Variants in PANK1 observed in about 807,000 individuals in gnomAD.
PANK1 encodes the protein pantothenate kinase 1, also known as pantothenic acid kinase 1.
A neutral mutation model predicts 40.1 loss-of-function variants in PANK1; 18 were observed. The observed-to-expected ratio is 0.45, with a 90% confidence interval of 0.31 to 0.67. PANK1 has a LOEUF of 0.67. PANK1 is among the 30% of genes least tolerant of loss of function. The pLI, the probability that PANK1 is intolerant of heterozygous loss-of-function variation, is 0.06. For synonymous variants in PANK1, 242 were observed against 237.7 expected, an observed-to-expected ratio of 1.02 and a Z score of -0.17; for missense variants, 457 against 599.6, an observed-to-expected ratio of 0.76 and a Z score of 2.48.
At chr10:89,642,105 T>C (rs1294773028) in intron 1 of PANK1, among the ~76,000 whole-genome samples, 2 of 152,048 alleles carry the variant, frequency 1.3e-5, no homozygotes, top group African/African-American at 4.8e-5. Flanking sequence ...ATGAAAAGAG[T>C]GGACAACATT....
At chr10:89,606,535 T>C (rs1331380407) in intron 2 of PANK1, among the ~76,000 whole-genome samples, 1 of 152,120 alleles carries the variant, frequency 6.6e-6, no homozygotes, top group Non-Finnish European at 1.5e-5. Flanking sequence ...TCTTTTCATG[T>C]TTTTTTGAGA....
At chr10:89,595,637 C>A (rs7901886) in intron 3 of PANK1, among the ~76,000 whole-genome samples, 2 of 149,896 alleles carry the variant, frequency 1.3e-5, no homozygotes, top group Non-Finnish European at 3.0e-5. Context: ...CTGGTCAACA[C>A]GGTGAAACCC....
At chr10:89,637,775 A>G (rs1467453877) in intron 1 of PANK1, among the ~76,000 whole-genome samples, 2 of 152,244 alleles carry the variant, frequency 1.3e-5, no homozygotes, top group African/African-American at 2.4e-5. Flanking sequence ...TTAGCTTACT[A>G]TAACAGTTTT....
chr10:89,592,520 T>C lies in PANK1; in HGVS notation c.1200+677A>G, dbSNP rs373555445. On this transcript the variant is annotated intron_variant, in intron 5 of 6. Transcript: ENST00000307534. ...CCATTACAGATCTACTGTGGTTCTT[T>C]AATACTCTCCTATGACCTGTTCCAT... Among the ~76,000 whole-genome samples, 4 of 152,364 alleles carry C rather than the reference T, an allele frequency of 2.6e-5. No homozygotes were observed. The South Asian group carries it at 6.2e-4, about 24-fold the overall frequency.
intron 2 of PANK1, among the ~76,000 whole-genome samples, chr10:89,605,253 A>C (rs970048102): frequency 6.6e-6 from 1 of 152,176 alleles, no homozygotes; most frequent in Non-Finnish European, 1.5e-5. Flanking sequence ...CTTAAAATAA[A>C]CAAAAATGAA....
chr10:89,611,071 C>T (rs752111069), intron 2 of PANK1, among the ~76,000 whole-genome samples: 19 of 152,174 alleles, frequency 1.2e-4, no homozygotes, highest in Non-Finnish European at 2.4e-4. Flanking sequence ...AAATGAGCAA[C>T]GTACAGTTTG....
rs1450875395 is a variant in PANK1, at chr10:89,631,972, G to GT, written c.292+12627dup. 5.7e-5 allele frequency among the ~76,000 whole-genome samples: 4 copies of GT among 69,688 alleles called. No homozygotes were observed. The South Asian group carries it at 2.5e-3, about 43-fold the overall frequency. 45.7% of individuals were successfully genotyped at this position (69,688 alleles called of 152,430 possible). A position where few individuals can be genotyped will look rare whatever the true frequency, so the allele number is the denominator to read the frequency against. ...AATAACAGATTGTGTGTGTGTGTGT[G>GT]TGTGTTTTTTTTTTTAAAAAGGGTT... On this transcript the variant is annotated intron_variant, in intron 1 of 6. Coordinates refer to ENST00000307534, the MANE Select transcript of PANK1 (RefSeq NM_148977.3).
Position 89,611,937 on chromosome 10 carries a change from C to T in PANK1, c.404G>A (p.Ser135Asn). Residue 135 changes from serine (S) to asparagine (N), a missense_variant, in exon 2 of 7, where the codon AGC (serine) becomes AAC (asparagine). By Grantham distance (46) the Ser-to-Asn change is conservative (BLOSUM62 1). This residue lies in a region of PANK1 where 286 missense variants were observed against 415.8 expected (regional missense o/e 0.69). Coordinates refer to ENST00000307534, the MANE Select transcript of PANK1 (RefSeq NM_148977.3). ...EEQEEVENLK[S>N]IRKYLTSNTA... Reference sequence around the variant, plus strand: ...ATTAGAAGTCAAATACTTCCGGATGCTCTTCAGGTTCTCCACTTCCTCTTG... The same window carrying T: ...ATTAGAAGTCAAATACTTCCGGATGTTCTTCAGGTTCTCCACTTCCTCTTG... 1 of 1,614,152 alleles carries T rather than the reference C, an allele frequency of 6.2e-7. No individual in the cohort carries two copies. Among genetic ancestry groups the T allele is most frequent in the Non-Finnish European group, 8.5e-7 (1 of 1,180,002 alleles).
chr10:89,581,162 AT>A (rs1196711313), downstream of PANK1: 1 of 151,878 alleles, frequency 6.6e-6, no homozygotes, highest in Non-Finnish European at 1.5e-5. Context: ...TTGGCTTGAG[AT>A]TTTGCTGTCT....
intron 1 of PANK1, among the ~76,000 whole-genome samples, chr10:89,619,040 C>T (rs1045249435): frequency 6.6e-6 from 1 of 152,148 alleles, no homozygotes; most frequent in African/African-American, 2.4e-5. Flanking sequence ...TCTAGCAGAA[C>T]TATATATAGG....
rs560874822 is a variant in PANK1 at position 89,597,995 on chromosome 10, A to ATG, written c.899+1255_899+1256dup. Among the ~76,000 whole-genome samples, 544 of 152,216 alleles carry ATG rather than the reference A, an allele frequency of 3.6e-3. 3 individuals carry two copies. The highest frequency in any genetic ancestry group is 5.6e-3 in the Non-Finnish European group (381 of 67,992). ...TGGACACAAGTAGGTTTCAATTAGAATGTGTGTGTGTGTTTGTGTGTGTAC... is the reference window on the plus strand; with the variant it reads ...TGGACACAAGTAGGTTTCAATTAGAATGTGTGTGTGTGTGTTTGTGTGTGTAC... On this transcript the variant is annotated intron_variant, in intron 3 of 6. Coordinates refer to ENST00000307534, the MANE Select transcript of PANK1 (RefSeq NM_148977.3).
chr10:89,634,236 T>C (rs1474255113), intron 1 of PANK1, among the ~76,000 whole-genome samples: 1 of 152,322 alleles, frequency 6.6e-6, no homozygotes, highest in East Asian at 1.9e-4. Context: ...TCAACGAATC[T>C]ATTGCTCTCT....
chr10:89,599,612 G>C (rs1179593015), intron 2 of PANK1, 107 bp from the exon 3 acceptor site: 3 of 1,075,308 alleles, frequency 2.8e-6, no homozygotes, highest in Non-Finnish European at 4.0e-6. Context: ...GAAAAGCATG[G>C]AGACACCCTT....
In PANK1 at chr10:89,593,242, G is replaced by A. The variant is rs983845095; in HGVS notation, c.1155C>T (p.Ile385=). The A allele has an allele frequency of 3.3e-5, 53 of 1,613,606 alleles. No individual in the cohort carries two copies. The Middle Eastern group carries it at 1.3e-3, about 40-fold the overall frequency. ...EDLARATLVT[I]TNNIGSIARM... Reference sequence around the variant, plus strand: ...GAGCAATGGAGCCAATGTTGTTGGTGATGGTGACCAATGTGGCCCGGGCGA... The same window carrying A: ...GAGCAATGGAGCCAATGTTGTTGGTAATGGTGACCAATGTGGCCCGGGCGA... Residue 385 remains isoleucine (I), a synonymous_variant, in exon 5 of 7, where the codon ATC becomes ATT. Coordinates refer to ENST00000307534, the MANE Select transcript of PANK1 (RefSeq NM_148977.3).
rs1589751025 is a variant in PANK1, at chr10:89,584,163, C to T, written c.*243G>A. The T allele has an allele frequency of 4.6e-6, 2 of 432,558 alleles. No individual in the cohort carries two copies. The highest frequency in any genetic ancestry group is 6.8e-5 in the East Asian group (2 of 29,562). 26.8% of individuals were successfully genotyped at this position (432,558 alleles called of 1,614,324 possible). Reference sequence around the variant, plus strand: ...ACAATTGGTAGGTTTGGCCACGCTGCACCATTTTTTTAAAAAAATACAGTA... The same window carrying T: ...ACAATTGGTAGGTTTGGCCACGCTGTACCATTTTTTTAAAAAAATACAGTA... On this transcript the variant is annotated 3_prime_UTR_variant, in exon 7 of 7. Coordinates refer to ENST00000307534, the MANE Select transcript of PANK1 (RefSeq NM_148977.3).
chr10:89,591,528 G>A (rs1844387129), intron 5 of PANK1, among the ~76,000 whole-genome samples: 1 of 152,196 alleles, frequency 6.6e-6, no homozygotes, highest in Non-Finnish European at 1.5e-5. Flanking sequence ...TGACTCCAGA[G>A]AGCAAAGCAA....
intron 5 of PANK1, among the ~76,000 whole-genome samples, chr10:89,591,902 G>A (rs747987936): frequency 9.2e-5 from 14 of 152,186 alleles, no homozygotes; most frequent in South Asian, 2.1e-4. Context: ...CCAGCTCTGC[G>A]GAAAGTAGGG....
At chr10:89,621,934 G>A (rs1406214838) in intron 1 of PANK1, among the ~76,000 whole-genome samples, 5 of 152,176 alleles carry the variant, frequency 3.3e-5, no homozygotes, top group African/African-American at 1.2e-4. Flanking sequence ...GACTGGTCTT[G>A]AACTCCTGAC....
At chr10:89,616,409 T>A (rs1439498390) in intron 1 of PANK1, among the ~76,000 whole-genome samples, 1 of 152,198 alleles carries the variant, frequency 6.6e-6, no homozygotes, top group Admixed American at 6.5e-5. Context: ...AAATAAAATA[T>A]GACAGATTTA....
Sources: gnomAD v4.1 joint callset for allele counts (sites outside exome capture counted in the v4.1 genomes callset) on GRCh38, gnomAD v4.1.1 for gene constraint, gnomAD v4.1.1 regional missense constraint, MANE v1.5 for transcripts, NCBI Gene and HGNC (gene_info 2026-07-23, HGNC 2026-07-21) for gene names.